LAMA2: variants seen among roughly 807,000 people sequenced by gnomAD.
LAMA2 encodes the protein laminin subunit alpha-2.
A neutral mutation model predicts 364.8 loss-of-function variants in LAMA2; 269 were observed. The observed-to-expected ratio is 0.74, with a 90% CI of 0.67 to 0.82. The LOEUF is 0.82. LAMA2 is among the 40% of genes least tolerant of loss of function. The pLI is 0.00. For synonymous variants in LAMA2, 1,379 were observed against 1,370.6 expected, an observed-to-expected ratio of 1.01 and a Z score of -0.14; for missense variants, 3,807 against 3,873.2, an observed-to-expected ratio of 0.98 and a Z score of 0.45.
intron 12 of LAMA2, among the ~76,000 whole-genome samples, chr6:129,211,144 TAATA>T (rs1475160984): frequency 6.6e-6 from 1 of 152,190 alleles, no homozygotes; most frequent in Non-Finnish European, 1.5e-5. Flanking sequence ...TGACTACTAA[TAATA>T]AATAACCCTA....
chr6:129,260,822 A>G lies in LAMA2; in HGVS notation c.2208A>G (p.Glu736=), dbSNP rs1259675382. ...CAGGGTATACTGGCTCCTCTTGTGA[A>G]GTAAGCTTGCAAGAATGTATCCTTA... is the stretch of plus-strand genomic sequence containing the variant. The part of the protein sequence containing the change: ...CPPGYTGSSC[E]SCWPRHRRVN... Residue 736 remains glutamate (E), a splice_region_variant and synonymous_variant, in exon 15 of 65, where the codon GAA becomes GAG. Transcript: ENST00000421865. 1 of 1,557,630 alleles carries G rather than the reference A, an allele frequency of 6.4e-7. No individual in the cohort carries two copies. The highest frequency in any genetic ancestry group is 1.7e-5 in the Admixed American group (1 of 59,820).
chr6:129,173,682 T>C (rs749270921), intron 9 of LAMA2, among the ~76,000 whole-genome samples: 24 of 152,136 alleles, frequency 1.6e-4, no homozygotes, highest in Non-Finnish European at 2.9e-4. Flanking sequence ...ATTGGACACA[T>C]ATTTGTAGGT....
chr6:129,190,425 A>G (rs985576971), intron 11 of LAMA2, 80 bp downstream of exon 11: 30 of 1,345,896 alleles, frequency 2.2e-5, no homozygotes, highest in Admixed American at 3.7e-5. Flanking sequence ...TTGTATGAAC[A>G]GTTTCTGATA....
intron 1 of LAMA2, among the ~76,000 whole-genome samples, chr6:129,037,799 A>G (rs954432003): frequency 6.6e-6 from 1 of 151,812 alleles, no homozygotes; most frequent in African/African-American, 2.4e-5. Context: ...CCTCCCGAGT[A>G]GCTGCAACTA....
intron 49 of LAMA2, among the ~76,000 whole-genome samples, chr6:129,463,532 A>G (rs1783375803): frequency 6.6e-6 from 1 of 152,062 alleles, no homozygotes; most frequent in East Asian, 1.9e-4. Flanking sequence ...ACAGATAGGT[A>G]GGTAGATAGA....
rs3062342 is a variant in LAMA2 at position 129,314,398 on chromosome 6, CAAA to C, written c.3412-238_3412-236del. Among the ~76,000 whole-genome samples the C allele has an allele frequency of 1.7e-4, 14 of 81,866 alleles. 1 individual carries two copies. Among genetic ancestry groups the C allele is most frequent in the East Asian group, 3.8e-4 (1 of 2,654 alleles). The allele number at this position is 81,866 out of a possible 152,430, so 53.7% of individuals were successfully genotyped here. A position where few individuals can be genotyped will look rare whatever the true frequency, so the allele number is the denominator to read the frequency against. ...TGGGCGAAAGAGCGAGACTCCGTCT[CAAA>C]AAAAAAAAAAAAAAAAAAGTACAAT... On this transcript the variant is annotated intron_variant, in intron 23 of 64. Coordinates refer to ENST00000421865, the MANE Select transcript of LAMA2 (RefSeq NM_000426.4).
rs1774566405 is a variant in LAMA2, at chr6:129,315,848, G to A, written c.3822G>A (p.Val1274=). The A allele has an allele frequency of 6.2e-7, 1 of 1,614,072 alleles. No individual in the cohort carries two copies. Among genetic ancestry groups the A allele is most frequent in the East Asian group, 2.2e-5 (1 of 44,878 alleles). The change falls in exon 26 of 65, where the codon GTG becomes GTA. Residue 1274 remains valine (V), a synonymous_variant. Transcript: ENST00000421865. ...ETGFSTYNPQ[V]IIRGGTPTHA... ...GTTTCTCTACATATAATCCTCAAGT[G>A]ATCATTCGAGGTGGGACACCTACTC...
chr6:129,034,598 A>G (rs1343617109), intron 1 of LAMA2, among the ~76,000 whole-genome samples: 2 of 152,052 alleles, frequency 1.3e-5, no homozygotes, highest in South Asian at 2.1e-4. Flanking sequence ...GTATTCAGTC[A>G]GTAATTTTTC....
At chr6:129,466,558 C>T (rs1470102146) in intron 51 of LAMA2, among the ~76,000 whole-genome samples, 5 of 151,966 alleles carry the variant, frequency 3.3e-5, no homozygotes, top group Non-Finnish European at 7.4e-5. Flanking sequence ...TACATTGTTC[C>T]TGTGTAAGAG....
intron 2 of LAMA2, among the ~76,000 whole-genome samples, chr6:129,058,950 G>A (rs1395213702): frequency 1.3e-5 from 2 of 152,140 alleles, no homozygotes; most frequent in African/African-American, 2.4e-5. Flanking sequence ...ACCTACAATG[G>A]CCTGGGACAA....
At chr6:129,418,058 A>G (rs899880855) in intron 40 of LAMA2, among the ~76,000 whole-genome samples, 4 of 152,080 alleles carry the variant, frequency 2.6e-5, no homozygotes, top group Admixed American at 2.6e-4. Flanking sequence ...CCTGGCTCCC[A>G]CCAGCTCTGT....
intron 29 of LAMA2, among the ~76,000 whole-genome samples, chr6:129,339,479 T>A (rs1032801127): frequency 1.3e-5 from 2 of 152,180 alleles, no homozygotes; most frequent in African/African-American, 4.8e-5. Context: ...CTGGAACCCA[T>A]TAGAGATATC....
At chr6:129,377,804 A>G (rs1489019374) in intron 34 of LAMA2, among the ~76,000 whole-genome samples, 1 of 152,232 alleles carries the variant, frequency 6.6e-6, no homozygotes, top group African/African-American at 2.4e-5. Flanking sequence ...TATCCAACCA[A>G]GAAAATTATG....
chr6:129,330,460 T>C lies in LAMA2; in HGVS notation c.4311+2048T>C, dbSNP rs919645594. Among the ~76,000 whole-genome samples, 30 of 152,062 alleles carry C rather than the reference T, an allele frequency of 2.0e-4. 1 individual carries two copies. Among genetic ancestry groups the C allele is most frequent in the African/African-American group, 6.7e-4 (28 of 41,486 alleles). On this transcript the variant is annotated intron_variant, in intron 29 of 64. Transcript: ENST00000421865. ...CTGATTTTCCCTGTCTAATTGTCAT[T>C]TTCCCTAGCACTACTCCTGTCATCA...
chr6:129,009,341 T>A (rs1758525774), intron 1 of LAMA2, among the ~76,000 whole-genome samples: 1 of 152,164 alleles, frequency 6.6e-6, no homozygotes, highest in Non-Finnish European at 1.5e-5. Flanking sequence ...AAAAACTGAG[T>A]TTTATGACTG....
At chr6:129,283,370 T>G (rs892865989) in intron 18 of LAMA2, among the ~76,000 whole-genome samples, 1 of 152,022 alleles carries the variant, frequency 6.6e-6, no homozygotes, top group Non-Finnish European at 1.5e-5. Flanking sequence ...TAAGTTACTT[T>G]CAGAATAAGT....
intron 22 of LAMA2, among the ~76,000 whole-genome samples, chr6:129,312,282 T>C (rs1443259827): frequency 1.3e-5 from 2 of 152,182 alleles, no homozygotes; most frequent in Admixed American, 1.3e-4. Context: ...ATCAGAATTG[T>C]ATGCAAGAAT....
chr6:129,027,772 GT>G (rs1785933967), intron 1 of LAMA2, among the ~76,000 whole-genome samples: 1 of 151,934 alleles, frequency 6.6e-6, no homozygotes, highest in South Asian at 2.1e-4. Context: ...GTGAGATGCT[GT>G]GTTCAGAGTG....
intron 56 of LAMA2, among the ~76,000 whole-genome samples, chr6:129,486,955 A>ATG (rs1784619302): frequency 6.6e-6 from 1 of 151,622 alleles, no homozygotes; most frequent in Non-Finnish European, 1.5e-5. Context: ...TGCACACAGC[A>ATG]AAACTCACAA....
Sources: gnomAD v4.1 joint callset for allele counts (sites outside exome capture counted in the v4.1 genomes callset) on GRCh38, gnomAD v4.1.1 for gene constraint, MANE v1.5 for transcripts, NCBI Gene and HGNC (gene_info 2026-07-23, HGNC 2026-07-21) for gene names.